Variants in COL17A1 observed in about 807,000 individuals in gnomAD.
The protein encoded by COL17A1 is collagen type XVII alpha 1 chain, also known as collagen alpha-1(XVII) chain.
COL17A1 carries 181 observed loss-of-function variants against 218.4 expected under a neutral mutation model. The ratio of observed to expected loss-of-function variants is 0.83; its 90% CI spans 0.73 to 0.94. COL17A1 has a LOEUF of 0.94. Ranked by LOEUF, COL17A1 falls within the 40% of genes least tolerant of loss-of-function variation. COL17A1 has a pLI of 0.00. For synonymous variants in COL17A1, 721 were observed against 731.0 expected (o/e 0.99, Z 0.22); for missense variants, 1,924 against 1,945.9 (o/e 0.99, Z 0.21).
chr10:104,037,851 A>C lies in COL17A1; in HGVS notation c.3071-78T>G, dbSNP rs2086316413. On this transcript the variant is annotated intron_variant, in intron 45 of 55. Transcript: ENST00000648076. ...TCCCCACGGAGGTGACCTGAAGCAC[A>C]TGATAACATGCCTGCCCCGCCCCAC... 2.1e-5 allele frequency: 33 copies of C among 1,550,220 alleles called. No individual in the cohort carries two copies. In the South Asian group the frequency reaches 3.5e-4, roughly 16 times the overall value.
chr10:104,045,207 C>T lies in COL17A1; in HGVS notation c.2398+551G>A, dbSNP rs547184700. The stretch of plus-strand genomic sequence containing the variant: ...CATCACCACATTGCCCCAGTCAGAC[C>T]CCCGAGGATGAGCTCCCCTCTGAGT... On this transcript the variant is annotated intron_variant, in intron 33 of 55. Coordinates refer to ENST00000648076, the MANE Select transcript of COL17A1 (RefSeq NM_000494.4). Among the ~76,000 whole-genome samples, 4 of 152,232 alleles carry T rather than the reference C, an allele frequency of 2.6e-5. No individual in the cohort carries two copies. In the South Asian group the frequency reaches 6.2e-4, roughly 24 times the overall value.
chr10:104,050,615 G>T lies in COL17A1; in HGVS notation c.2128+6C>A, dbSNP rs2086459550. On this transcript the variant is annotated splice_donor_region_variant and intron_variant, in intron 27 of 55. Coordinates refer to ENST00000648076, the MANE Select transcript of COL17A1 (RefSeq NM_000494.4). Reference sequence around the variant, plus strand: ...GGTAATGACAGAGCAGCAGTGAGTGGCATACCTTTGGGTCCTGGTGGTCCC... The same window carrying T: ...GGTAATGACAGAGCAGCAGTGAGTGTCATACCTTTGGGTCCTGGTGGTCCC... 6.2e-6 allele frequency: 10 copies of T among 1,613,084 alleles called. No homozygotes were observed. Among genetic ancestry groups the T allele is most frequent in the Non-Finnish European group, 8.5e-6 (10 of 1,180,026 alleles).
At chr10:104,073,748 G>T (rs1238971323) in intron 6 of COL17A1, among the ~76,000 whole-genome samples, 1 of 152,210 alleles carries the variant, frequency 6.6e-6, no homozygotes, top group Non-Finnish European at 1.5e-5. Context: ...TGAAGACACA[G>T]CTTGGGGGTT....
At chr10:104,068,988 C>G (rs1390633998) in intron 9 of COL17A1, among the ~76,000 whole-genome samples, 4 of 152,182 alleles carry the variant, frequency 2.6e-5, no homozygotes, top group Non-Finnish European at 5.9e-5. Flanking sequence ...TAAAGGAATT[C>G]ACTGGGGTCC....
rs115091879 is a variant in COL17A1 at position 104,048,763 on chromosome 10, G to C, written c.2227+646C>G. The stretch of plus-strand genomic sequence containing the variant: ...CACTCACAGCTGGGGAAGTGAACGA[G>C]AGTACACATGCTGCATCTCCACAGG... On this transcript the variant is annotated intron_variant, in intron 29 of 55. Coordinates refer to ENST00000648076, the MANE Select transcript of COL17A1 (RefSeq NM_000494.4). 1.9e-3 allele frequency among the ~76,000 whole-genome samples: 294 copies of C among 152,182 alleles called. 1 individual carries two copies. Among genetic ancestry groups the C allele is most frequent in the Middle Eastern group, 6.8e-3 (2 of 292 alleles).
intron 17 of COL17A1, among the ~76,000 whole-genome samples, chr10:104,056,581 CAA>C (rs67209277): frequency 4.0e-5 from 6 of 149,670 alleles, no homozygotes; most frequent in Non-Finnish European, 5.9e-5. Context: ...GACGCCGTCT[CAA>C]AAAAAAAAAA....
In COL17A1 at chr10:104,033,057, A is replaced by G. The variant is rs911100679; in HGVS notation, c.4295-89T>C. 3.9e-6 allele frequency: 6 copies of G among 1,542,836 alleles called. No individual in the cohort carries two copies. In the African/African-American group the frequency reaches 4.1e-5, roughly 11 times the overall value. On this transcript the variant is annotated intron_variant, in intron 53 of 55. Transcript: ENST00000648076. ...CATTTGTTCAGAGTAACACAGAGAGATAGTGATGGAGTTTGGACGTGTAAG... is the reference window on the plus strand; with the variant it reads ...CATTTGTTCAGAGTAACACAGAGAGGTAGTGATGGAGTTTGGACGTGTAAG...
intron 7 of COL17A1, among the ~76,000 whole-genome samples, chr10:104,072,850 A>G (rs1312872763): frequency 6.6e-6 from 1 of 152,154 alleles, no homozygotes; most frequent in Non-Finnish European, 1.5e-5. Flanking sequence ...TCATCTTTTG[A>G]CGTGTAAAGG....
chr10:104,038,339 G>T, intron 45 of COL17A1, 67 bp downstream of exon 45: 1 of 1,604,984 alleles, frequency 6.2e-7, no homozygotes. Context: ...TGATACCACA[G>T]CTCCCTTGCA....
intron 41 of COL17A1, 113 bp downstream of exon 41, chr10:104,039,860 C>T (rs1311713398): frequency 6.8e-7 from 1 of 1,461,562 alleles, no homozygotes; most frequent in Non-Finnish European, 9.6e-7. Flanking sequence ...CACTGCTCTA[C>T]TCTTGCTTAT....
At chr10:104,057,337 A>G (rs995789956) in intron 16 of COL17A1, among the ~76,000 whole-genome samples, 165 bp from the exon 17 acceptor site, 1 of 151,786 alleles carries the variant, frequency 6.6e-6, no homozygotes, top group African/African-American at 2.4e-5. Flanking sequence ...GACTGAGCAC[A>G]GGGCCTGACT....
chr10:104,041,126 A>G lies in COL17A1; in HGVS notation c.2648-8T>C, dbSNP rs1032651965. 1.9e-6 allele frequency: 3 copies of G among 1,613,254 alleles called. No homozygotes were observed. Among genetic ancestry groups the G allele is most frequent in the African/African-American group, 2.7e-5 (2 of 74,660 alleles). ...GGCCTGGCAAACCCTCCCCTAGGAA[A>G]GAGAACCCCCAAGACTTATTAGTGC... On this transcript the variant is annotated splice_region_variant and splice_polypyrimidine_tract_variant and intron_variant, in intron 38 of 55. Transcript: ENST00000648076.
At position 104,041,042 on chromosome 10, in the gene COL17A1, G is replaced by A; in HGVS notation, c.2701+23C>T. Reference sequence around the variant, plus strand: ...ACAAGGGCTGAGGTGGAGAACAGGTGCGACTTGACTCCCTGACATTACCTG... The same window carrying A: ...ACAAGGGCTGAGGTGGAGAACAGGTACGACTTGACTCCCTGACATTACCTG... On this transcript the variant is annotated intron_variant, in intron 39 of 55. Coordinates refer to ENST00000648076, the MANE Select transcript of COL17A1 (RefSeq NM_000494.4). 3 of 1,614,078 alleles carry A rather than the reference G, an allele frequency of 1.9e-6. No homozygotes were observed. In the African/African-American group the frequency reaches 4.0e-5, roughly 22 times the overall value.
chr10:104,040,755 G>A (rs2086351652), intron 39 of COL17A1, among the ~76,000 whole-genome samples: 3 of 152,132 alleles, frequency 2.0e-5, no homozygotes, highest in Non-Finnish European at 4.4e-5. Context: ...CTTACTTCAC[G>A]CGCATGTATC....
intron 30 of COL17A1, 66 bp from the exon 31 acceptor site, chr10:104,047,876 G>A (rs1299308279): frequency 6.8e-7 from 1 of 1,467,994 alleles, no homozygotes; most frequent in African/African-American, 1.4e-5. Flanking sequence ...TATCACATCT[G>A]AACTGATAGT....
intron 25 of COL17A1, 132 bp downstream of exon 25, chr10:104,051,349 A>T: frequency 8.4e-7 from 1 of 1,192,418 alleles, no homozygotes; most frequent in Non-Finnish European, 1.2e-6. Flanking sequence ...ACACATGCAG[A>T]CTTGAATTCT....
rs866817659 is a variant in COL17A1, at chr10:104,050,859, G to A, written c.2081C>T (p.Pro694Leu). The A allele has an allele frequency of 6.2e-7, 1 of 1,614,084 alleles. No homozygotes were observed. Among genetic ancestry groups the A allele is most frequent in the Non-Finnish European group, 8.5e-7 (1 of 1,180,022 alleles). Residue 694 changes from proline (P) to leucine (L), a missense_variant, in exon 26 of 56, where the codon CCT becomes CTT. Coordinates refer to ENST00000648076, the MANE Select transcript of COL17A1 (RefSeq NM_000494.4). ...LQGLRGEVGLPGVKGDKGPMG... is the reference protein window; with the variant it reads ...LQGLRGEVGLLGVKGDKGPMG... ...TCCCTCCAGCTTACCTTTGACACCAGGAAGTCCTACTTCACCTCGGAGCCC... is the reference window on the plus strand; with the variant it reads ...TCCCTCCAGCTTACCTTTGACACCAAGAAGTCCTACTTCACCTCGGAGCCC...
At chr10:104,056,351 G>C (rs1589568117) in intron 17 of COL17A1, among the ~76,000 whole-genome samples, 1 of 152,168 alleles carries the variant, frequency 6.6e-6, no homozygotes, top group African/African-American at 2.4e-5. Context: ...GGGAGGCCAA[G>C]GGGGGCAGAT....
At chr10:104,047,864 GT>G in intron 30 of COL17A1, 54 bp from the exon 31 acceptor site, 1 of 1,505,684 alleles carries the variant, frequency 6.6e-7, no homozygotes, top group Non-Finnish European at 9.2e-7. Flanking sequence ...AGCTAAACTG[GT>G]TATCACATCT....
Sources: allele counts gnomAD v4.1 joint callset (sites outside exome capture counted in the v4.1 genomes callset), GRCh38; gene constraint gnomAD v4.1.1; transcripts MANE v1.5; gene names NCBI Gene and HGNC (gene_info 2026-07-23, HGNC 2026-07-21).